Variants in CCBE1 observed in about 807,000 individuals in gnomAD.
The protein encoded by CCBE1 is collagen and calcium binding EGF domains 1, also known as collagen and calcium-binding EGF domain-containing protein 1.
Under a neutral mutation model 50.0 loss-of-function variants are expected in CCBE1, and 37 were observed. The observed-to-expected ratio is 0.74, with a 90% confidence interval of 0.57 to 0.97. CCBE1 has a LOEUF of 0.97. Ranked by LOEUF, CCBE1 falls within the 50% of genes least tolerant of loss-of-function variation. The probability of loss-of-function intolerance (pLI) is 0.00; values close to 1 mark genes in which losing one functional copy is unlikely to be tolerated. For synonymous variants in CCBE1, 234 were observed against 203.7 expected (o/e 1.15, Z -1.27); for missense variants, 538 against 523.8 (o/e 1.03, Z -0.26).
At chr18:59,690,849 T>A (rs1480922311) in intron 2 of CCBE1, among the ~76,000 whole-genome samples, 1 of 152,230 alleles carries the variant, frequency 6.6e-6, no homozygotes, top group Non-Finnish European at 1.5e-5. Flanking sequence ...AAAGCCAGTG[T>A]CTGTGGCACA....
At chr18:59,645,875 C>T (rs79098558) in intron 2 of CCBE1, among the ~76,000 whole-genome samples, 3 of 151,940 alleles carry the variant, frequency 2.0e-5, no homozygotes, top group African/African-American at 4.8e-5. Flanking sequence ...GCTAAAAATA[C>T]AAAAAAATAG....
intron 2 of CCBE1, among the ~76,000 whole-genome samples, chr18:59,536,404 A>G (rs533100022): frequency 2.0e-5 from 3 of 152,244 alleles, no homozygotes; most frequent in South Asian, 4.2e-4. Context: ...TCTTCCTTCA[A>G]TGACTCACTC....
intron 2 of CCBE1, among the ~76,000 whole-genome samples, chr18:59,632,651 C>T (rs540017121): frequency 4.6e-5 from 7 of 152,216 alleles, no homozygotes; most frequent in South Asian, 2.1e-4. Flanking sequence ...TGCAGTGGCA[C>T]GATCTTGGCT....
chr18:59,643,883 C>T (rs570759211), intron 2 of CCBE1, among the ~76,000 whole-genome samples: 3 of 152,144 alleles, frequency 2.0e-5, no homozygotes, highest in Non-Finnish European at 4.4e-5. Context: ...TCTTCAGAAC[C>T]TTTAACATGC....
intron 2 of CCBE1, among the ~76,000 whole-genome samples, chr18:59,488,120 C>T (rs634020): frequency 0.36 from 55,030 of 151,990 alleles, 10,238 homozygotes; most frequent in East Asian, 0.55. Flanking sequence ...TCCACTTATA[C>T]GAGGTACCTA....
Position 59,431,882 on chromosome 18 carries a change from T to C in CCBE1, c.*4026A>G, listed in dbSNP as rs1909957371. On this transcript the variant is annotated 3_prime_UTR_variant, in exon 11 of 11. Coordinates refer to ENST00000439986, the MANE Select transcript of CCBE1 (RefSeq NM_133459.4). ...GCAGCCCCACTCACTTTTGGCACAG[T>C]ATAGCTTATAATTTCTCCCTCTGGA... 2 of 152,242 alleles carry C rather than the reference T, an allele frequency of 1.3e-5. No individual in the cohort carries two copies. Among genetic ancestry groups the C allele is most frequent in the Admixed American group, 6.5e-5 (1 of 15,288 alleles). 9.4% of individuals were successfully genotyped at this position (152,242 alleles called of 1,614,324 possible).
chr18:59,631,136 A>T (rs1325662071), intron 2 of CCBE1, among the ~76,000 whole-genome samples: 1 of 151,774 alleles, frequency 6.6e-6, no homozygotes, highest in Non-Finnish European at 1.5e-5. Flanking sequence ...TTACTTGCCC[A>T]CTCTCAGCAT....
At chr18:59,629,817 C>T (rs148477802) in intron 2 of CCBE1, among the ~76,000 whole-genome samples, 6 of 151,998 alleles carry the variant, frequency 3.9e-5, no homozygotes, top group South Asian at 2.1e-4. Flanking sequence ...GAAGGTGGGC[C>T]GGTGCCTTCA....
intron 2 of CCBE1, among the ~76,000 whole-genome samples, chr18:59,547,091 G>GGGGGACAGAGGGGGAGAGAA (rs1915729896): frequency 1.0e-5 from 1 of 97,092 alleles, no homozygotes; most frequent in African/African-American, 4.8e-5. Flanking sequence ...AAGGGAGAGA[G>GGGGGACAGAGGGGGAGAGAA]AGGGAGGTAG....
At chr18:59,478,475 G>GC (rs755705753) in intron 3 of CCBE1, among the ~76,000 whole-genome samples, 3 of 152,166 alleles carry the variant, frequency 2.0e-5, no homozygotes, top group Non-Finnish European at 4.4e-5. Context: ...AAGTGTTCTA[G>GC]CAAAAAGCAA....
chr18:59,690,808 G>T (rs1325072686), intron 2 of CCBE1, among the ~76,000 whole-genome samples: 1 of 152,188 alleles, frequency 6.6e-6, no homozygotes, highest in African/African-American at 2.4e-5. Context: ...GAAGGCGGGG[G>T]ACCCCCTTTA....
Position 59,435,035 on chromosome 18 carries a change from A to G in CCBE1, c.*873T>C, listed in dbSNP as rs1191295572. 6.6e-6 allele frequency: 1 copy of G among 152,246 alleles called. No individual in the cohort carries two copies. Among genetic ancestry groups the G allele is most frequent in the Non-Finnish European group, 1.5e-5 (1 of 68,064 alleles). 9.4% of individuals were successfully genotyped at this position (152,246 alleles called of 1,614,324 possible). A position where few individuals can be genotyped will look rare whatever the true frequency, so the allele number is the denominator to read the frequency against. ...TCTCTAAGCTCAGCCAGTTTATTGA[A>G]CAAATAATCTATATTTATAGAGCAG... On this transcript the variant is annotated 3_prime_UTR_variant, in exon 11 of 11. Coordinates refer to ENST00000439986, the MANE Select transcript of CCBE1 (RefSeq NM_133459.4).
chr18:59,561,662 G>T (rs969487305), intron 2 of CCBE1, among the ~76,000 whole-genome samples: 6 of 152,162 alleles, frequency 3.9e-5, no homozygotes, highest in Non-Finnish European at 8.8e-5. Context: ...TTGGCATGGC[G>T]GGCATGCTAG....
chr18:59,469,982 A>T (rs1911952534), intron 3 of CCBE1, among the ~76,000 whole-genome samples: 1 of 152,170 alleles, frequency 6.6e-6, no homozygotes. Context: ...CCAGCAGAAT[A>T]CTAAACAAAG....
At chr18:59,471,244 C>T (rs1346835895) in intron 3 of CCBE1, among the ~76,000 whole-genome samples, 1 of 152,206 alleles carries the variant, frequency 6.6e-6, no homozygotes, top group African/African-American at 2.4e-5. Flanking sequence ...CCCTGAGGAA[C>T]CGCTCTCAAC....
At chr18:59,570,455 C>G (rs1356783514) in intron 2 of CCBE1, among the ~76,000 whole-genome samples, 1 of 152,174 alleles carries the variant, frequency 6.6e-6, no homozygotes, top group African/African-American at 2.4e-5. Context: ...TCAATCATGT[C>G]TAAGGAGTGC....
chr18:59,649,857 T>G (rs2054104474), intron 2 of CCBE1, among the ~76,000 whole-genome samples: 1 of 151,960 alleles, frequency 6.6e-6, no homozygotes, highest in Admixed American at 6.6e-5. Flanking sequence ...ACTCCAAGAG[T>G]CACTAGGCTG....
intron 2 of CCBE1, among the ~76,000 whole-genome samples, chr18:59,632,120 G>A (rs1398312224): frequency 2.0e-5 from 3 of 152,088 alleles, no homozygotes; most frequent in Non-Finnish European, 2.9e-5. Context: ...AGGGCTGTAG[G>A]GATCTCCACA....
intron 2 of CCBE1, among the ~76,000 whole-genome samples, chr18:59,562,431 C>G (rs73961246): frequency 0.03 from 4,625 of 152,252 alleles, 218 homozygotes; most frequent in African/African-American, 0.098. Flanking sequence ...ACCAGCTGCA[C>G]AGAGAGAGGC....
Sources: gnomAD v4.1 joint callset for allele counts (sites outside exome capture counted in the v4.1 genomes callset) on GRCh38, gnomAD v4.1.1 for gene constraint, MANE v1.5 for transcripts, NCBI Gene and HGNC (gene_info 2026-07-23, HGNC 2026-07-21) for gene names.